The following BAHCC1 variants were observed in gnomAD, a reference collection of about 807,000 sequenced individuals.
BAHCC1 encodes BAH domain and coiled-coil containing 1, also known as BAH and coiled-coil domain-containing protein 1.
A neutral mutation model predicts 88.2 loss-of-function variants in BAHCC1; 43 were observed. That is an observed-to-expected ratio of 0.49 (90% CI 0.38 to 0.63). The LOEUF (loss-of-function observed/expected upper bound fraction) is 0.63. BAHCC1 is among the 20% of genes least tolerant of loss of function. BAHCC1 has a pLI of 0.00. For synonymous variants in BAHCC1, 1,510 were observed against 745.5 expected, an observed-to-expected ratio of 2.03 and a Z score of -16.71; for missense variants, 3,023 against 1,654.8, an observed-to-expected ratio of 1.83 and a Z score of -14.34.
rs782103697 is a variant in BAHCC1 at position 81,399,194 on chromosome 17, C to T, written c.-206-340C>T. The T allele has an allele frequency of 4.7e-6, 2 of 421,928 alleles. No individual in the cohort carries two copies. Among genetic ancestry groups the T allele is most frequent in the South Asian group, 3.2e-5 (2 of 62,116 alleles). The allele number at this position is 421,928 out of a possible 1,614,324, so 26.1% of individuals were successfully genotyped here. A position where few individuals can be genotyped will look rare whatever the true frequency, so the allele number is the denominator to read the frequency against. Reference sequence around the variant, plus strand: ...GCTTCGCAGATTTGGGTTTTTATCACCCAGCAGAGCCAGCAGCCTCTTCGC... The same window carrying T: ...GCTTCGCAGATTTGGGTTTTTATCATCCAGCAGAGCCAGCAGCCTCTTCGC... On this transcript the variant is annotated intron_variant, in intron 1 of 27. Transcript: ENST00000675386. The surrounding 1 kb of genome is among the most constrained non-coding windows in gnomAD (Gnocchi z 4.5).
At chr17:81,427,880 C>A (rs2064219114) in intron 3 of BAHCC1, among the ~76,000 whole-genome samples, 1 of 152,182 alleles carries the variant, frequency 6.6e-6, no homozygotes, top group Admixed American at 6.5e-5. Context: ...ACACACCACG[C>A]CACCGCCCCG....
In BAHCC1 at chr17:81,464,758, A is replaced by G. The variant is rs1349667919; in HGVS notation, c.*941A>G. Reference sequence around the variant, plus strand: ...ATATCTGATTTCTGTTTCCGGGGCCAGTTGGTCTGAGGCCAAGGAGTCTGG... The same window carrying G: ...ATATCTGATTTCTGTTTCCGGGGCCGGTTGGTCTGAGGCCAAGGAGTCTGG... On this transcript the variant is annotated 3_prime_UTR_variant, in exon 28 of 28. Transcript: ENST00000675386. 6.6e-6 allele frequency: 1 copy of G among 152,470 alleles called. No individual in the cohort carries two copies. The highest frequency in any genetic ancestry group is 1.5e-5 in the Non-Finnish European group (1 of 68,016). The allele number at this position is 152,470 out of a possible 1,614,324, so 9.4% of individuals were successfully genotyped here.
At position 81,399,802 on chromosome 17, in the gene BAHCC1, C is replaced by G; in HGVS notation, c.63C>G (p.His21Gln). 1 of 1,303,946 alleles carries G rather than the reference C, an allele frequency of 7.7e-7. No homozygotes were observed. The highest frequency in any genetic ancestry group is 9.7e-7 in the Non-Finnish European group (1 of 1,028,210). 80.8% of individuals were successfully genotyped at this position (1,303,946 alleles called of 1,614,324 possible). ...HLLSERGSLG[H>Q]RSAAAAARLA... Reference sequence around the variant, plus strand: ...TGTCGGAGCGCGGGAGCCTGGGCCACCGCAGCGCCGCTGCCGCCGCGCGTC... The same window carrying G: ...TGTCGGAGCGCGGGAGCCTGGGCCAGCGCAGCGCCGCTGCCGCCGCGCGTC... The change falls in exon 2 of 28, where the codon CAC becomes CAG. Residue 21 changes from histidine to glutamine, a missense_variant. Transcript: ENST00000675386. The surrounding 1 kb of genome is among the most constrained non-coding windows in gnomAD (Gnocchi z 4.5).
chr17:81,405,647 T>A (rs1409210846), intron 2 of BAHCC1, among the ~76,000 whole-genome samples: 1 of 152,304 alleles, frequency 6.6e-6, no homozygotes, highest in Middle Eastern at 3.4e-3. Flanking sequence ...GTTCAGCCAG[T>A]GCCGCTGGGA....
chr17:81,407,140 C>T (rs896929705), intron 2 of BAHCC1, among the ~76,000 whole-genome samples: 17 of 152,196 alleles, frequency 1.1e-4, no homozygotes, highest in African/African-American at 4.1e-4. Flanking sequence ...CTGTGAGGAA[C>T]GGCAGAGCAG....
In BAHCC1 at chr17:81,442,021, G is replaced by T; in HGVS notation, c.672G>T (p.Leu224=). 1 of 728,516 alleles carries T rather than the reference G, an allele frequency of 1.4e-6. No individual in the cohort carries two copies. Among genetic ancestry groups the T allele is most frequent in the Non-Finnish European group, 2.6e-6 (1 of 389,524 alleles). The allele number at this position is 728,516 out of a possible 1,614,324, so 45.1% of individuals were successfully genotyped here. A position where few individuals can be genotyped will look rare whatever the true frequency, so the allele number is the denominator to read the frequency against. Residue 224 remains leucine, a synonymous_variant, in exon 5 of 28, where the codon CTG becomes CTT. Coordinates refer to ENST00000675386, the MANE Select transcript of BAHCC1 (RefSeq NM_001377448.1). ...DFDRFLVGKE[L]GREKAGKAAE... is the part of the protein sequence containing the mutation. ...ACCGCTTCCTCGTGGGCAAAGAGCT[G>T]GGCAGAGAGAAGGCGGGCAAGGCCG...
intron 2 of BAHCC1, among the ~76,000 whole-genome samples, chr17:81,415,028 G>C (rs1272123512): frequency 1.3e-5 from 2 of 152,150 alleles, no homozygotes; most frequent in Non-Finnish European, 2.9e-5. Context: ...CACTCTGCAC[G>C]TTTGCCCCCT....
chr17:81,411,183 A>T lies in BAHCC1; in HGVS notation c.178+11266A>T, dbSNP rs782137686. ...TGTGTCCTGTCTCTGCCCCAGGCTG[A>T]GGCCGAGGGTCTGCGCCACCTGGGC... On this transcript the variant is annotated intron_variant, in intron 2 of 27. Coordinates refer to ENST00000675386, the MANE Select transcript of BAHCC1 (RefSeq NM_001377448.1). The surrounding 1 kb of genome is among the most constrained non-coding windows in gnomAD (Gnocchi z 6.2). 8 of 518,272 alleles carry T rather than the reference A, an allele frequency of 1.5e-5. 1 individual carries two copies. In the Admixed American group the frequency reaches 1.6e-4, roughly 10 times the overall value. 32.1% of individuals were successfully genotyped at this position (518,272 alleles called of 1,614,324 possible).
intron 2 of BAHCC1, chr17:81,413,219 C>T: frequency 3.4e-6 from 1 of 290,464 alleles, no homozygotes; most frequent in South Asian, 2.5e-5. Flanking sequence ...ACCATGCCCC[C>T]CCCGGGCGCT....
chr17:81,448,630 CTT>C (rs1323043308), intron 11 of BAHCC1, among the ~76,000 whole-genome samples: 3 of 152,186 alleles, frequency 2.0e-5, no homozygotes, highest in Admixed American at 6.5e-5. Context: ...TCGGCCGCTG[CTT>C]TCTGGATGCA....
At position 81,445,475 on chromosome 17, in the gene BAHCC1, G is replaced by T; in HGVS notation, c.2957G>T (p.Gly986Val). ...CCGGGCGCCCCCTCACCCGCTGCAG[G>T]CCCCACCAAGCTGCCACCTTGCTGC... Reference protein sequence around the residue: ...TAPGAPSPAAGPTKLPPCCHP... With the variant: ...TAPGAPSPAAVPTKLPPCCHP... The change falls in exon 10 of 28, where the codon GGC becomes GTC. Residue 986 changes from glycine (G) to valine (V), a missense_variant. Transcript: ENST00000675386. The T allele has an allele frequency of 2.7e-6, 2 of 752,992 alleles. No individual in the cohort carries two copies. The highest frequency in any genetic ancestry group is 2.8e-5 in the South Asian group (2 of 70,568). 46.6% of individuals were successfully genotyped at this position (752,992 alleles called of 1,614,324 possible).
chr17:81,438,579 C>T, intron 4 of BAHCC1, 87 bp downstream of exon 4: 1 of 704,242 alleles, frequency 1.4e-6, no homozygotes, highest in East Asian at 2.7e-5. Context: ...AAGGGAAAGG[C>T]CAGCCTAGGT....
At chr17:81,414,892 G>A (rs534540178) in intron 2 of BAHCC1, among the ~76,000 whole-genome samples, 1 of 152,294 alleles carries the variant, frequency 6.6e-6, no homozygotes, top group South Asian at 2.1e-4. Flanking sequence ...CTGGATCCCG[G>A]TGTGGTCTCC....
At chr17:81,415,101 G>A (rs577265676) in intron 2 of BAHCC1, among the ~76,000 whole-genome samples, 6 of 152,342 alleles carry the variant, frequency 3.9e-5, no homozygotes, top group East Asian at 1.9e-4. Context: ...CAGATGCTGC[G>A]CGGGGGGCTG....
At chr17:81,444,216 C>T (rs992264286) in intron 6 of BAHCC1, 165 bp from the exon 7 acceptor site, 8 of 611,532 alleles carry the variant, frequency 1.3e-5, no homozygotes, top group African/African-American at 1.1e-4. Flanking sequence ...CCTCCAGGTC[C>T]CGTTCTCCCT....
In BAHCC1 at chr17:81,447,351, C is replaced by T. The variant is rs549555237; in HGVS notation, c.3479C>T (p.Ala1160Val). Residue 1160 changes from alanine to valine, a missense_variant, in exon 11 of 28, where the codon GCG becomes GTG. Ala to Val is a moderately conservative substitution (Grantham distance 64). Transcript: ENST00000675386. ...GAGGGGCTACAAGAACTGCAATGTG[C>T]GGCCCTCCTGGAGGCAGGGGGCCCC... ...PLEGLQELQC[A>V]ALLEAGGPEA... The T allele has an allele frequency of 6.6e-5, 49 of 743,374 alleles. No homozygotes were observed. Among genetic ancestry groups the T allele is most frequent in the East Asian group, 3.2e-4 (13 of 40,138 alleles). 46.0% of individuals were successfully genotyped at this position (743,374 alleles called of 1,614,324 possible).
In BAHCC1 at chr17:81,456,307, A is replaced by C; in HGVS notation, c.4580A>C (p.Gln1527Pro). ...CCTCCCTGTTCACAGGAGAAGGCGC[A>C]GTGTAAGAAGAGCAGCTGTCAGGGC... Reference protein sequence around the residue: ...GLQTASVEKAQCKKSSCQGGL... With the variant: ...GLQTASVEKAPCKKSSCQGGL... The change falls in exon 16 of 28, where the codon CAG (glutamine) becomes CCG (proline). Residue 1527 changes from glutamine to proline, a missense_variant. Physicochemically the swap from Gln to Pro is moderately conservative, Grantham distance 76. Transcript: ENST00000675386. 1.4e-6 allele frequency: 1 copy of C among 716,704 alleles called. No individual in the cohort carries two copies. Among genetic ancestry groups the C allele is most frequent in the Non-Finnish European group, 2.6e-6 (1 of 385,436 alleles). 44.4% of individuals were successfully genotyped at this position (716,704 alleles called of 1,614,324 possible).
In BAHCC1 at chr17:81,456,365, C is replaced by T; in HGVS notation, c.4638C>T (p.Ala1546=). Residue 1546 remains alanine, a synonymous_variant, in exon 16 of 28, where the codon GCC becomes GCT. Coordinates refer to ENST00000675386, the MANE Select transcript of BAHCC1 (RefSeq NM_001377448.1). Reference sequence around the variant, plus strand: ...CGCCCTCCGTGGCCCACAGGGTGGCCCAGCTGAAACCCAAGGTCAAGAGCA... The same window carrying T: ...CGCCCTCCGTGGCCCACAGGGTGGCTCAGCTGAAACCCAAGGTCAAGAGCA... ...GLAPSVAHRV[A]QLKPKVKSKG... 1 of 723,630 alleles carries T rather than the reference C, an allele frequency of 1.4e-6. No homozygotes were observed. The highest frequency in any genetic ancestry group is 2.6e-6 in the Non-Finnish European group (1 of 388,774). 44.8% of individuals were successfully genotyped at this position (723,630 alleles called of 1,614,324 possible). A position where few individuals can be genotyped will look rare whatever the true frequency, so the allele number is the denominator to read the frequency against.
intron 26 of BAHCC1, chr17:81,462,491 G>C: frequency 1.8e-6 from 1 of 550,504 alleles, no homozygotes; most frequent in Non-Finnish European, 3.2e-6. Context: ...ACATGTCCCT[G>C]TCCCAGATCC....
Sources: allele counts gnomAD v4.1 joint callset (sites outside exome capture counted in the v4.1 genomes callset), GRCh38; gene constraint gnomAD v4.1.1; non-coding constraint Gnocchi (gnomAD v3.1); transcripts MANE v1.5; gene names NCBI Gene and HGNC (gene_info 2026-07-23, HGNC 2026-07-21).